Variants in ESR1 observed in about 807,000 individuals in gnomAD.
The protein encoded by ESR1 is estrogen receptor 1.
In ESR1, 12 loss-of-function variants were observed where a neutral mutation model predicts 52.7. That is an observed-to-expected ratio of 0.23 (90% confidence interval 0.15 to 0.37). ESR1 has a LOEUF of 0.37. ESR1 is among the 10% of genes least tolerant of loss of function. ESR1 has a pLI of 1.00. For synonymous variants in ESR1, 305 were observed against 316.8 expected, an observed-to-expected ratio of 0.96 and a Z score of 0.39; for missense variants, 584 against 779.7, an observed-to-expected ratio of 0.75 and a Z score of 2.99.
chr6:151,925,107 A>G (rs1374919905), intron 3 of ESR1, among the ~76,000 whole-genome samples: 4 of 88,120 alleles, frequency 4.5e-5, no homozygotes, highest in African/African-American at 1.8e-4. Flanking sequence ...TTTCTCCATA[A>G]CCTCCCCAGC....
chr6:151,879,121 G>T (rs749267854), intron 2 of ESR1, among the ~76,000 whole-genome samples: 41 of 152,170 alleles, frequency 2.7e-4, no homozygotes, highest in Non-Finnish European at 5.6e-4. Flanking sequence ...AATGTTGGAT[G>T]GAGGAAATTG....
At chr6:151,894,184 C>T (rs558036606) in intron 3 of ESR1, among the ~76,000 whole-genome samples, 7 of 152,140 alleles carry the variant, frequency 4.6e-5, no homozygotes, top group African/African-American at 1.7e-4. Context: ...TTGTTGGCCA[C>T]TTTGTATCTT....
At chr6:151,941,281 T>C (rs1445452807) in intron 3 of ESR1, among the ~76,000 whole-genome samples, 1 of 152,220 alleles carries the variant, frequency 6.6e-6, no homozygotes, top group Non-Finnish European at 1.5e-5. Context: ...TGCTGCATCT[T>C]TCCTGTAAGG....
chr6:152,043,019 A>G (rs374391926), intron 5 of ESR1, among the ~76,000 whole-genome samples: 31 of 152,292 alleles, frequency 2.0e-4, no homozygotes, highest in African/African-American at 7.2e-4. Flanking sequence ...GAGCTCTTCA[A>G]GGATGCAGGT....
intron 2 of ESR1, among the ~76,000 whole-genome samples, chr6:151,879,023 T>C (rs924771639): frequency 1.3e-5 from 2 of 152,098 alleles, no homozygotes; most frequent in East Asian, 3.9e-4. Flanking sequence ...ATGGAAGCCA[T>C]GGACATGCAC....
chr6:151,879,547 G>A (rs1295128339), intron 2 of ESR1, among the ~76,000 whole-genome samples: 1 of 152,156 alleles, frequency 6.6e-6, no homozygotes, highest in Admixed American at 6.5e-5. Context: ...CAATGAGTAA[G>A]GAGCATTTGA....
intron 1 of ESR1, among the ~76,000 whole-genome samples, chr6:151,826,323 A>G (rs1013514577): frequency 2.6e-5 from 4 of 152,212 alleles, no homozygotes; most frequent in African/African-American, 9.6e-5. Flanking sequence ...CAGCCTGGGA[A>G]TTTGAGCCTT....
chr6:152,094,404 C>A lies in ESR1; in HGVS notation c.1389C>A (p.Ser463=). Residue 463 remains serine (S), a synonymous_variant, in exon 7 of 8, where the codon TCC becomes TCA. Coordinates refer to ENST00000206249, the MANE Select transcript of ESR1 (RefSeq NM_000125.4). The surrounding 1 kb of genome is among the most constrained non-coding windows in gnomAD (Gnocchi z 4.6). ...LLNSGVYTFL[S]STLKSLEEKD... ...ATTCAGGAGTGTACACATTTCTGTCCAGCACCCTGAAGTCTCTGGAAGAGA... is the reference window on the plus strand; with the variant it reads ...ATTCAGGAGTGTACACATTTCTGTCAAGCACCCTGAAGTCTCTGGAAGAGA... The A allele has an allele frequency of 6.2e-7, 1 of 1,614,094 alleles. No individual in the cohort carries two copies. Among genetic ancestry groups the A allele is most frequent in the South Asian group, 1.1e-5 (1 of 91,082 alleles).
At chr6:152,038,926 C>T (rs898462428) in intron 5 of ESR1, among the ~76,000 whole-genome samples, 1 of 152,146 alleles carries the variant, frequency 6.6e-6, no homozygotes, top group Non-Finnish European at 1.5e-5. Flanking sequence ...CCACCTTGAC[C>T]TCCCAGGTTG....
At chr6:152,064,744 G>A (rs139508618) in intron 6 of ESR1, among the ~76,000 whole-genome samples, 18 of 152,066 alleles carry the variant, frequency 1.2e-4, no homozygotes, top group African/African-American at 4.3e-4. Context: ...AGTCTATTTA[G>A]CCTGTGGACT....
chr6:151,827,567 A>T (rs1781719903), intron 1 of ESR1, among the ~76,000 whole-genome samples: 1 of 152,204 alleles, frequency 6.6e-6, no homozygotes, highest in South Asian at 2.1e-4. Context: ...CTTCATGTAC[A>T]CATCGCCCAG....
rs1584687314 is a variant in ESR1, at chr6:151,990,347, T to C, written c.1097-21309T>C. ...TACCCTACCAAATTTACATACTGGC[T>C]GAACACAGTATGTAAAAAATTATTT... is the stretch of plus-strand genomic sequence containing the variant. On this transcript the variant is annotated intron_variant, in intron 4 of 7. Transcript: ENST00000206249. 1.3e-5 allele frequency among the ~76,000 whole-genome samples: 2 copies of C among 152,198 alleles called. 1 individual carries two copies. The highest frequency in any genetic ancestry group is 4.1e-4 in the South Asian group (2 of 4,826).
At chr6:152,027,349 A>AT (rs1204004613) in intron 5 of ESR1, among the ~76,000 whole-genome samples, 3 of 152,038 alleles carry the variant, frequency 2.0e-5, no homozygotes, top group African/African-American at 7.2e-5. Context: ...CCCCAACCCC[A>AT]TTTTTTGATA....
intron 3 of ESR1, among the ~76,000 whole-genome samples, chr6:151,909,309 G>A (rs545000767): frequency 1.3e-5 from 2 of 152,208 alleles, no homozygotes; most frequent in Admixed American, 1.3e-4. Context: ...TAGTGAACTA[G>A]GCCATGACTT....
At chr6:152,068,390 G>A (rs986419516) in intron 6 of ESR1, among the ~76,000 whole-genome samples, 4 of 152,174 alleles carry the variant, frequency 2.6e-5, no homozygotes, top group Non-Finnish European at 5.9e-5. Flanking sequence ...TATCTAGATT[G>A]GTGAGTCTTA....
At chr6:152,119,055 G>A (rs942334865) in intron 6 of ESR1, among the ~76,000 whole-genome samples, 5 of 152,198 alleles carry the variant, frequency 3.3e-5, no homozygotes, top group Admixed American at 2.0e-4. Context: ...CTGCTTTCAG[G>A]CAGCCCAGAC....
At chr6:151,687,395 C>G (rs1169124711), upstream of ESR1, among the ~76,000 whole-genome samples, 1 of 152,112 alleles carries the variant, frequency 6.6e-6, no homozygotes, top group Non-Finnish European at 1.5e-5. Context: ...AAGCCAGAAG[C>G]CCAGAGCTGT....
At chr6:151,687,880 T>C (rs1286477631), upstream of ESR1, among the ~76,000 whole-genome samples, 1 of 152,232 alleles carries the variant, frequency 6.6e-6, no homozygotes, top group Non-Finnish European at 1.5e-5. Flanking sequence ...TATTTTTCAT[T>C]TGAAAAATGT....
At chr6:152,110,924 G>A (rs965844525) in intron 6 of ESR1, among the ~76,000 whole-genome samples, 2 of 152,100 alleles carry the variant, frequency 1.3e-5, no homozygotes, top group East Asian at 3.9e-4. Flanking sequence ...GGCACCTGGG[G>A]GTGCCAGTGC....
Sources: allele counts gnomAD v4.1 joint callset (sites outside exome capture counted in the v4.1 genomes callset), GRCh38; gene constraint gnomAD v4.1.1; non-coding constraint Gnocchi (gnomAD v3.1); transcripts MANE v1.5; gene names NCBI Gene and HGNC (gene_info 2026-07-23, HGNC 2026-07-21).